DEPDC1: variants seen among roughly 807,000 people sequenced by gnomAD.
DEPDC1 encodes the protein DEP domain-containing protein 1A.
DEPDC1 carries 66 observed loss-of-function variants against 86.8 expected under a neutral mutation model. The observed-to-expected ratio is 0.76, with a 90% CI of 0.62 to 0.93. The LOEUF is 0.93. Among genes scored for constraint, DEPDC1 ranks in the 40% least tolerant of loss-of-function variants. The pLI is 0.00. For missense variants in DEPDC1, 792 were observed against 935.7 expected (o/e 0.85, Z 2.00); for synonymous variants, 255 against 314.9 (o/e 0.81, Z 2.02).
intron 7 of DEPDC1, among the ~76,000 whole-genome samples, 193 bp downstream of exon 7, chr1:68,483,757 G>A (rs1646173860): frequency 6.6e-6 from 1 of 152,038 alleles, no homozygotes; most frequent in Non-Finnish European, 1.5e-5. Context: ...GTCTGGTAGG[G>A]GGTTGAGGGA....
chr1:68,483,072 G>T, intron 7 of DEPDC1, 175 bp from the exon 8 acceptor site: 1 of 643,210 alleles, frequency 1.6e-6, no homozygotes, highest in Non-Finnish European at 2.6e-6. Context: ...TGCAACATTC[G>T]GTTACAAACG....
intron 5 of DEPDC1, among the ~76,000 whole-genome samples, chr1:68,487,522 A>C (rs904403353): frequency 1.3e-5 from 2 of 152,028 alleles, no homozygotes; most frequent in African/African-American, 2.4e-5. Context: ...GTTACAAAGA[A>C]TAGAAATCTT....
intron 7 of DEPDC1, chr1:68,483,584 T>C: frequency 3.5e-6 from 1 of 288,960 alleles, no homozygotes; most frequent in Non-Finnish European, 6.7e-6. Flanking sequence ...GATCACGGCA[T>C]GACCAGAAAG....
rs1646267470 is a variant in DEPDC1 at position 68,496,651 on chromosome 1, G to A, written c.48+301C>T. The A allele has an allele frequency of 2.9e-6, 1 of 346,734 alleles. No individual in the cohort carries two copies. Among genetic ancestry groups the A allele is most frequent in the East Asian group, 4.6e-5 (1 of 21,916 alleles). The allele number at this position is 346,734 out of a possible 1,614,324, so 21.5% of individuals were successfully genotyped here. A position where few individuals can be genotyped will look rare whatever the true frequency, so the allele number is the denominator to read the frequency against. On this transcript the variant is annotated intron_variant, in intron 1 of 11. Coordinates refer to ENST00000456315, the MANE Select transcript of DEPDC1 (RefSeq NM_001114120.3). This position sits in a 1 kb window ranked among gnomAD's most constrained non-coding sequence, Gnocchi z 4.0. ...CGGCCAAATCGGAATATTCTAAGAC[G>A]CCCCCACGGGACGCCGGCCACACCA...
In DEPDC1 at chr1:68,477,989, G is replaced by A. The variant is rs752416897; in HGVS notation, c.2113-17C>T. ...ATTTTCAATCTGTAGTGATCAAAATGATATAACTCTGTTAATTCTGGTCAT... is the reference window on the plus strand; with the variant it reads ...ATTTTCAATCTGTAGTGATCAAAATAATATAACTCTGTTAATTCTGGTCAT... On this transcript the variant is annotated splice_polypyrimidine_tract_variant and intron_variant, in intron 10 of 11. Transcript: ENST00000456315. 12 of 1,475,578 alleles carry A rather than the reference G, an allele frequency of 8.1e-6. No homozygotes were observed. The highest frequency in any genetic ancestry group is 8.1e-6 in the Non-Finnish European group (9 of 1,104,840). 91.4% of individuals were successfully genotyped at this position (1,475,578 alleles called of 1,614,324 possible).
At position 68,496,807 on chromosome 1, in the gene DEPDC1, C is replaced by G; in HGVS notation, c.48+145G>C. 1 of 790,516 alleles carries G rather than the reference C, an allele frequency of 1.3e-6. No individual in the cohort carries two copies. The highest frequency in any genetic ancestry group is 2.1e-6 in the Non-Finnish European group (1 of 478,750). The allele number at this position is 790,516 out of a possible 1,614,324, so 49.0% of individuals were successfully genotyped here. A position where few individuals can be genotyped will look rare whatever the true frequency, so the allele number is the denominator to read the frequency against. ...CAAGGGTTGCATACCCGCTACTTCT[C>G]CTCGCCAGCCTTTTCACTGAACCTA... On this transcript the variant is annotated intron_variant, in intron 1 of 11. Transcript: ENST00000456315. This position sits in a 1 kb window ranked among gnomAD's most constrained non-coding sequence, Gnocchi z 4.0.
At chr1:68,485,966 G>A (rs1263931932) in intron 6 of DEPDC1, among the ~76,000 whole-genome samples, 2 of 151,988 alleles carry the variant, frequency 1.3e-5, no homozygotes, top group African/African-American at 4.8e-5. Context: ...TGATGATTTA[G>A]CTTATATCTT....
At position 68,483,945 on chromosome 1, in the gene DEPDC1, C is replaced by T. The variant is rs375118200; in HGVS notation, c.910+5G>A. 1.2e-5 allele frequency: 17 copies of T among 1,476,912 alleles called. No homozygotes were observed. Among genetic ancestry groups the T allele is most frequent in the Non-Finnish European group, 1.4e-5 (15 of 1,097,482 alleles). 91.5% of individuals were successfully genotyped at this position (1,476,912 alleles called of 1,614,324 possible). The stretch of plus-strand genomic sequence containing the variant: ...TGAACTAAAATCAGTAAAATCTATA[C>T]ATACCCAAAATGTTTACAAATAATT... On this transcript the variant is annotated splice_donor_5th_base_variant and intron_variant, in intron 7 of 11. Coordinates refer to ENST00000456315, the MANE Select transcript of DEPDC1 (RefSeq NM_001114120.3).
In DEPDC1 at chr1:68,482,155, A is replaced by T; in HGVS notation, c.1653T>A (p.Ser551Arg). 1 of 1,612,942 alleles carries T rather than the reference A, an allele frequency of 6.2e-7. No individual in the cohort carries two copies. Among genetic ancestry groups the T allele is most frequent in the East Asian group, 2.2e-5 (1 of 44,836 alleles). ...TTGTGGCACTAGACTCTCCGAGTTC[A>T]CTTTCCATAGCTGTTTGCACACTTG... ...GSTSVQTAME[S>R]ELGESSATIN... The change falls in exon 8 of 12, where the codon AGT (serine) becomes AGA (arginine). Residue 551 changes from serine (S) to arginine (R), a missense_variant. By Grantham distance (110) the Ser-to-Arg change is moderately radical (BLOSUM62 -1). Coordinates refer to ENST00000456315, the MANE Select transcript of DEPDC1 (RefSeq NM_001114120.3).
At chr1:68,486,840 T>C (rs1191194915) in intron 6 of DEPDC1, 97 bp downstream of exon 6, 1 of 1,229,056 alleles carries the variant, frequency 8.1e-7, no homozygotes, top group Non-Finnish European at 1.1e-6. Context: ...TTATCAGGAC[T>C]TTATTAAATT....
At chr1:68,488,841 G>C in intron 4 of DEPDC1, 75 bp downstream of exon 4, 2 of 951,344 alleles carry the variant, frequency 2.1e-6, no homozygotes, top group Non-Finnish European at 3.4e-6. Flanking sequence ...TGATTCATTT[G>C]CATATTTTGA....
chr1:68,476,810 CATA>C lies in DEPDC1; in HGVS notation c.*119_*121del. The C allele has an allele frequency of 1.1e-6, 1 of 896,430 alleles. No individual in the cohort carries two copies. The allele number at this position is 896,430 out of a possible 1,614,324, so 55.5% of individuals were successfully genotyped here. ...TGATAACTATTTTGGCACTTCCTTA[CATA>C]ATGTGTTTATTTAGAAATACCTTAT... On this transcript the variant is annotated 3_prime_UTR_variant, in exon 12 of 12. Coordinates refer to ENST00000456315, the MANE Select transcript of DEPDC1 (RefSeq NM_001114120.3).
Position 68,488,949 on chromosome 1 carries a change from A to G in DEPDC1, c.557T>C (p.Val186Ala). ...AATAACATATCTCCAAACTTCTTCA[A>G]CATCTTCCTGGCTTAGTTCTCTATT... ...IDNRELSQED[V>A]EEVWRYVILI... Residue 186 changes from valine to alanine, a missense_variant, in exon 4 of 12, where the codon GTT becomes GCT. Physicochemically the swap from Val to Ala is moderately conservative, Grantham distance 64. Transcript: ENST00000456315. The G allele has an allele frequency of 6.2e-7, 1 of 1,603,232 alleles. No individual in the cohort carries two copies.
At chr1:68,488,646 C>A (rs1646209432) in intron 4 of DEPDC1, 142 bp from the exon 5 acceptor site, 1 of 718,672 alleles carries the variant, frequency 1.4e-6, no homozygotes, top group African/African-American at 1.8e-5. Context: ...CTTTCAAATA[C>A]ATTTATCTCA....
At chr1:68,480,252 CCA>C (rs72099346) in intron 9 of DEPDC1, among the ~76,000 whole-genome samples, 4,230 of 145,440 alleles carry the variant, frequency 0.029, 75 homozygotes, top group South Asian at 0.044. Flanking sequence ...TCTAACTGTA[CCA>C]CACACACACA....
intron 4 of DEPDC1, 112 bp from the exon 5 acceptor site, chr1:68,488,616 A>C: frequency 1.1e-6 from 1 of 932,068 alleles, no homozygotes; most frequent in Non-Finnish European, 1.6e-6. Flanking sequence ...CAAATTTCTA[A>C]GACTTATATT....
chr1:68,481,819 A>T (rs1646157832), intron 8 of DEPDC1: 3 of 608,474 alleles, frequency 4.9e-6, no homozygotes, highest in Non-Finnish European at 7.8e-6. Flanking sequence ...TTCTTCACTT[A>T]TTACAAATAA....
In DEPDC1 at chr1:68,496,425, G is replaced by A. The variant is rs922562260; in HGVS notation, c.48+527C>T. Among the ~76,000 whole-genome samples, 1 of 152,168 alleles carries A rather than the reference G, an allele frequency of 6.6e-6. No homozygotes were observed. Among genetic ancestry groups the A allele is most frequent in the African/African-American group, 2.4e-5 (1 of 41,438 alleles). ...GGGACCACCAGCAGTGGTTACTGAT[G>A]GGTACTCAGAAATACCGTTTTGAAA... On this transcript the variant is annotated intron_variant, in intron 1 of 11. Transcript: ENST00000456315. The surrounding 1 kb of genome is among the most constrained non-coding windows in gnomAD (Gnocchi z 4.0).
At chr1:68,478,524 T>G (rs1468082705) in intron 10 of DEPDC1, among the ~76,000 whole-genome samples, 1 of 151,590 alleles carries the variant, frequency 6.6e-6, no homozygotes, top group Non-Finnish European at 1.5e-5. Context: ...TTCTAGGAGA[T>G]AGTTATAATT....
Sources: allele counts gnomAD v4.1 joint callset (sites outside exome capture counted in the v4.1 genomes callset), GRCh38; gene constraint gnomAD v4.1.1; non-coding constraint Gnocchi (gnomAD v3.1); transcripts MANE v1.5; gene names NCBI Gene and HGNC (gene_info 2026-07-23, HGNC 2026-07-21).